Variants in PLCG2 observed in about 807,000 individuals in gnomAD.
PLCG2 encodes phospholipase C gamma 2.
PLCG2 carries 69 observed loss-of-function variants against 175.6 expected under a neutral mutation model. That is an observed-to-expected ratio of 0.39 (90% CI 0.32 to 0.48). The LOEUF is 0.48. Among genes scored for constraint, PLCG2 ranks in the 20% least tolerant of loss-of-function variants. The probability of loss-of-function intolerance (pLI) is 0.91; values close to 1 mark genes in which losing one functional copy is unlikely to be tolerated. For synonymous variants in PLCG2, 827 were observed against 624.0 expected (o/e 1.33, Z -4.85); for missense variants, 1,798 against 1,650.9 (o/e 1.09, Z -1.54).
intron 24 of PLCG2, among the ~76,000 whole-genome samples, chr16:81,929,840 A>C (rs1910428073): frequency 6.6e-6 from 1 of 152,248 alleles, no homozygotes. Context: ...TCCTTTGGGC[A>C]GGGGGGTGCA....
intron 2 of PLCG2, among the ~76,000 whole-genome samples, chr16:81,828,550 T>G (rs374965052): frequency 5.3e-4 from 81 of 152,276 alleles, no homozygotes; most frequent in African/African-American, 1.9e-3. Flanking sequence ...GAAGCGTCAT[T>G]TTTATTCTGT....
chr16:81,761,012 T>G (rs1295880520), intron 2 of PLCG2, among the ~76,000 whole-genome samples: 1 of 152,150 alleles, frequency 6.6e-6, no homozygotes, highest in Non-Finnish European at 1.5e-5. Context: ...CAGGTGATTC[T>G]CCTACTTCTC....
intron 2 of PLCG2, among the ~76,000 whole-genome samples, chr16:81,786,931 A>G (rs1464826725): frequency 6.6e-6 from 1 of 152,224 alleles, no homozygotes. Flanking sequence ...GCTCATTACC[A>G]GTTACTTTTA....
intron 9 of PLCG2, among the ~76,000 whole-genome samples, chr16:81,888,907 A>G (rs1567517641): frequency 6.6e-6 from 1 of 152,200 alleles, no homozygotes; most frequent in Admixed American, 6.5e-5. Flanking sequence ...TTTGCAACAC[A>G]ACAGCGGAGT....
At chr16:81,792,404 G>C (rs78547923) in intron 2 of PLCG2, among the ~76,000 whole-genome samples, 30,653 of 141,668 alleles carry the variant, frequency 0.22, 3,355 homozygotes, top group Middle Eastern at 0.27. Context: ...TTGCTTGAAT[G>C]TGCAAGGCGG....
chr16:81,760,748 T>TAAAAAA (rs1224811220), intron 2 of PLCG2, among the ~76,000 whole-genome samples: 12 of 87,876 alleles, frequency 1.4e-4, no homozygotes, highest in East Asian at 3.0e-4. Flanking sequence ...CCGTCTCTAT[T>TAAAAAA]AAAAAAAAAA....
intron 7 of PLCG2, among the ~76,000 whole-genome samples, chr16:81,871,273 A>G (rs999965356): frequency 1.3e-5 from 2 of 152,200 alleles, no homozygotes; most frequent in Non-Finnish European, 2.9e-5. Flanking sequence ...AAATTTAGCA[A>G]ATGGCTGTTA....
intron 2 of PLCG2, among the ~76,000 whole-genome samples, chr16:81,790,595 G>T (rs1911187541): frequency 6.6e-6 from 1 of 152,178 alleles, no homozygotes; most frequent in Admixed American, 6.5e-5. Flanking sequence ...GGTTACTGTG[G>T]GGTCTGCAGG....
At chr16:81,883,412 T>C (rs1034949736) in intron 9 of PLCG2, 71 bp downstream of exon 9, 1 of 1,263,006 alleles carries the variant, frequency 7.9e-7, no homozygotes, top group Non-Finnish European at 1.1e-6. Context: ...CTCACCCTTC[T>C]GCCGCCTGTG....
At chr16:81,756,202 A>G (rs1259793430) in intron 2 of PLCG2, among the ~76,000 whole-genome samples, 3 of 152,184 alleles carry the variant, frequency 2.0e-5, no homozygotes, top group Admixed American at 6.5e-5. Flanking sequence ...GGGAGGCCCA[A>G]TGGATGGGCC....
At position 81,797,394 on chromosome 16, in the gene PLCG2, T is replaced by A. The variant is rs184750238; in HGVS notation, c.193+11212T>A. Among the ~76,000 whole-genome samples the A allele has an allele frequency of 1.1e-4, 17 of 152,296 alleles. No homozygotes were observed. The East Asian group carries it at 3.3e-3, about 29-fold the overall frequency. On this transcript the variant is annotated intron_variant, in intron 2 of 32. Transcript: ENST00000564138. ...GTGTCTTGATTTGTCTTGGGAGAGA[T>A]TTAGGTGCTGTGCAGTTTGGGGTTG...
chr16:81,832,758 C>A (rs1282058170), intron 2 of PLCG2, among the ~76,000 whole-genome samples: 1 of 152,180 alleles, frequency 6.6e-6, no homozygotes, highest in Non-Finnish European at 1.5e-5. Context: ...CAGTTGACTG[C>A]GTGAGGATCA....
Position 81,907,726 on chromosome 16 carries a change from G to A in PLCG2, c.1509G>A (p.Leu503=), listed in dbSNP as rs773032816. 1.2e-6 allele frequency: 2 copies of A among 1,614,056 alleles called. No individual in the cohort carries two copies. Among genetic ancestry groups the A allele is most frequent in the East Asian group, 2.2e-5 (1 of 44,878 alleles). Residue 503 remains leucine, a synonymous_variant, in exon 16 of 33, where the codon CTG becomes CTA. Transcript: ENST00000564138. ...ACTGCGCCATTGCCGATGCCAAGCT[G>A]TCCTTCAGTGATGACATTGAACAGA... ...RHYCAIADAK[L]SFSDDIEQTM...
rs147066842 is a variant in PLCG2, at chr16:81,898,025, C to G, written c.1193+2098C>G. 5.8e-4 allele frequency: 206 copies of G among 352,316 alleles called. 1 individual carries two copies. The highest frequency in any genetic ancestry group is 4.0e-3 in the African/African-American group (185 of 46,098). The allele number at this position is 352,316 out of a possible 1,614,324, so 21.8% of individuals were successfully genotyped here. A position where few individuals can be genotyped will look rare whatever the true frequency, so the allele number is the denominator to read the frequency against. ...GGTCCTAGCCCTTCTAAGTGCCAAC[C>G]TCCATCAGGCAGATGGAAGGAGCTG... is the stretch of plus-strand genomic sequence containing the variant. On this transcript the variant is annotated intron_variant, in intron 13 of 32. Coordinates refer to ENST00000564138, the MANE Select transcript of PLCG2 (RefSeq NM_002661.5).
intron 2 of PLCG2, among the ~76,000 whole-genome samples, chr16:81,828,426 G>C (rs915313680): frequency 2.0e-5 from 3 of 151,728 alleles, no homozygotes; most frequent in Non-Finnish European, 4.4e-5. Context: ...TTTTAGTAGA[G>C]ACTGGGTTTC....
intron 2 of PLCG2, among the ~76,000 whole-genome samples, chr16:81,792,614 G>A (rs1911290767): frequency 6.6e-6 from 1 of 152,062 alleles, no homozygotes; most frequent in South Asian, 2.1e-4. Flanking sequence ...GGAGGCCTCA[G>A]GAAACTTACA....
chr16:81,821,386 A>T (rs1015246090), intron 2 of PLCG2, among the ~76,000 whole-genome samples: 2 of 152,216 alleles, frequency 1.3e-5, no homozygotes, highest in African/African-American at 2.4e-5. Flanking sequence ...GGGGCTCTTG[A>T]ATAATATGAG....
At chr16:81,796,511 G>T (rs1251102318) in intron 2 of PLCG2, among the ~76,000 whole-genome samples, 1 of 152,244 alleles carries the variant, frequency 6.6e-6, no homozygotes, top group Non-Finnish European at 1.5e-5. Context: ...GTGGGCAGTG[G>T]TGGGTGCCTG....
In PLCG2 at chr16:81,895,346, G is replaced by A. The variant is rs1031956049; in HGVS notation, c.1073-461G>A. Among the ~76,000 whole-genome samples, 8 of 152,280 alleles carry A rather than the reference G, an allele frequency of 5.3e-5. No individual in the cohort carries two copies. The East Asian group carries it at 1.2e-3, about 22-fold the overall frequency. ...GAAGCTGAGGTGGATGGATCATGAG[G>A]TCAGGAGATTGAGACCACCCTGGCC... On this transcript the variant is annotated intron_variant, in intron 12 of 32. Transcript: ENST00000564138.
Sources: gnomAD v4.1 joint callset for allele counts (sites outside exome capture counted in the v4.1 genomes callset) on GRCh38, gnomAD v4.1.1 for gene constraint, MANE v1.5 for transcripts, NCBI Gene and HGNC (gene_info 2026-07-23, HGNC 2026-07-21) for gene names.